MARCHF3: variants seen among roughly 807,000 people sequenced by gnomAD.
MARCHF3 encodes the protein membrane associated ring-CH-type finger 3, also known as E3 ubiquitin-protein ligase MARCHF3.
In MARCHF3, 13 loss-of-function variants were observed where a neutral mutation model predicts 24.2. The ratio of observed to expected loss-of-function variants is 0.54; its 90% CI spans 0.35 to 0.85. The LOEUF is 0.85. Among genes scored for constraint, MARCHF3 ranks in the 40% least tolerant of loss-of-function variants. MARCHF3 has a pLI of 0.01. For synonymous variants in MARCHF3, 144 were observed against 137.3 expected, an observed-to-expected ratio of 1.05 and a Z score of -0.34; for missense variants, 276 against 325.0, an observed-to-expected ratio of 0.85 and a Z score of 1.16.
chr5:126,997,359 G>A (rs948644128), intron 1 of MARCHF3, among the ~76,000 whole-genome samples: 1 of 152,032 alleles, frequency 6.6e-6, no homozygotes, highest in Non-Finnish European at 1.5e-5. Context: ...GGTTTGGATG[G>A]GTGAAGCAGA....
intron 3 of MARCHF3, among the ~76,000 whole-genome samples, chr5:126,900,407 C>G (rs924542934): frequency 6.6e-5 from 10 of 151,982 alleles, no homozygotes; most frequent in African/African-American, 2.4e-4. Flanking sequence ...GCACCCATGA[C>G]TGAGATTTGT....
At chr5:126,976,740 A>G (rs1433852069) in intron 1 of MARCHF3, among the ~76,000 whole-genome samples, 1 of 152,144 alleles carries the variant, frequency 6.6e-6, no homozygotes, top group African/African-American at 2.4e-5. Flanking sequence ...AGTTGCACAC[A>G]TGGCACCTGG....
intron 1 of MARCHF3, among the ~76,000 whole-genome samples, chr5:126,980,345 T>C (rs1751353434): frequency 6.6e-6 from 1 of 151,904 alleles, no homozygotes; most frequent in Non-Finnish European, 1.5e-5. Flanking sequence ...ATGTAGAATC[T>C]CTTGAGTTTG....
chr5:126,909,675 C>G lies in MARCHF3; in HGVS notation c.393+5255G>C, dbSNP rs1306838240. On this transcript the variant is annotated intron_variant, in intron 3 of 4. Coordinates refer to ENST00000308660, the MANE Select transcript of MARCHF3 (RefSeq NM_178450.5). ...ATGCCTCACCCTGCTTTGGCTCGCA[C>G]ACGGTGCCCGCACCCACTGACCTGG... 2.6e-5 allele frequency among the ~76,000 whole-genome samples: 4 copies of G among 152,338 alleles called. No homozygotes were observed. In the East Asian group the frequency reaches 7.7e-4, roughly 29 times the overall value.
At chr5:126,916,845 C>A (rs1431653074) in intron 2 of MARCHF3, among the ~76,000 whole-genome samples, 1 of 152,198 alleles carries the variant, frequency 6.6e-6, no homozygotes, top group Non-Finnish European at 1.5e-5. Context: ...TCTCAGTTCG[C>A]AGAGGACCGA....
chr5:127,007,807 T>C (rs571618708), intron 1 of MARCHF3, among the ~76,000 whole-genome samples: 74 of 152,320 alleles, frequency 4.9e-4, no homozygotes, highest in South Asian at 1.2e-3. Flanking sequence ...TTTAAGCTAC[T>C]TGACCTTTTT....
At chr5:126,889,158 G>C (rs1170539582) in intron 3 of MARCHF3, among the ~76,000 whole-genome samples, 2 of 152,072 alleles carry the variant, frequency 1.3e-5, no homozygotes, top group African/African-American at 2.4e-5. Context: ...AAGGTTACTG[G>C]TGTCTAATGA....
chr5:127,006,377 C>T (rs1290280328), intron 1 of MARCHF3, among the ~76,000 whole-genome samples: 1 of 151,940 alleles, frequency 6.6e-6, no homozygotes, highest in South Asian at 2.1e-4. Context: ...GTTCTAAGTT[C>T]AATTTATTTT....
intron 1 of MARCHF3, among the ~76,000 whole-genome samples, chr5:126,987,154 G>A (rs1254374447): frequency 1.3e-5 from 2 of 152,224 alleles, no homozygotes; most frequent in African/African-American, 2.4e-5. Context: ...CTTTCTTGGA[G>A]AAGAAGGAAT....
At chr5:126,939,898 C>T (rs10900789) in intron 1 of MARCHF3, among the ~76,000 whole-genome samples, 86,377 of 151,876 alleles carry the variant, frequency 0.57, 25,461 homozygotes, top group East Asian at 0.79. Flanking sequence ...AACAGCACTG[C>T]AACTCGTGCA....
chr5:126,975,101 C>T (rs530167870), intron 1 of MARCHF3, among the ~76,000 whole-genome samples: 11 of 152,200 alleles, frequency 7.2e-5, no homozygotes, highest in African/African-American at 2.6e-4. Flanking sequence ...GGACTATAGG[C>T]GCATGCCACC....
chr5:127,005,869 A>T (rs754433723), intron 1 of MARCHF3, among the ~76,000 whole-genome samples: 15 of 152,258 alleles, frequency 9.9e-5, no homozygotes, highest in Non-Finnish European at 1.6e-4. Flanking sequence ...AAACATCAAC[A>T]TTACAAAAGC....
intron 1 of MARCHF3, among the ~76,000 whole-genome samples, chr5:126,961,077 A>C (rs1241582425): frequency 6.6e-6 from 1 of 152,164 alleles, no homozygotes; most frequent in Non-Finnish European, 1.5e-5. Flanking sequence ...ACAGATAATA[A>C]GATGAGGTGT....
intron 4 of MARCHF3, among the ~76,000 whole-genome samples, chr5:126,872,966 G>A (rs933463605): frequency 2.0e-5 from 3 of 152,048 alleles, no homozygotes; most frequent in Non-Finnish European, 4.4e-5. Context: ...GGCCAACAGC[G>A]GGAAAGAGGT....
rs1220517300 is a variant in MARCHF3, at chr5:126,915,071, G to T, written c.252C>A (p.Leu84=). The T allele has an allele frequency of 6.2e-7, 1 of 1,614,204 alleles. No individual in the cohort carries two copies. The highest frequency in any genetic ancestry group is 2.2e-5 in the East Asian group (1 of 44,886). Residue 84 remains leucine, a synonymous_variant, in exon 3 of 5, where the codon CTC becomes CTA. Coordinates refer to ENST00000308660, the MANE Select transcript of MARCHF3 (RefSeq NM_178450.5). Reference sequence around the variant, plus strand: ...AGGTCCCTGTACATTCACATGGAGAGAGCAAGTCCTCTTGGCTGCTGCCCT... The same window carrying T: ...AGGTCCCTGTACATTCACATGGAGATAGCAAGTCCTCTTGGCTGCTGCCCT... ...CHEGSSQEDL[L]SPCECTGTLG...
intron 1 of MARCHF3, among the ~76,000 whole-genome samples, chr5:126,992,703 A>G (rs1352243445): frequency 6.6e-6 from 1 of 151,880 alleles, no homozygotes; most frequent in Non-Finnish European, 1.5e-5. Context: ...TGACGATTAC[A>G]AAGGGACATC....
At chr5:127,003,772 G>A (rs1752216806) in intron 1 of MARCHF3, among the ~76,000 whole-genome samples, 1 of 152,188 alleles carries the variant, frequency 6.6e-6, no homozygotes, top group African/African-American at 2.4e-5. Flanking sequence ...AGTGGATAGT[G>A]AATTATGTGT....
intron 1 of MARCHF3, among the ~76,000 whole-genome samples, chr5:126,944,098 C>T (rs1382073245): frequency 2.0e-5 from 3 of 152,098 alleles, no homozygotes; most frequent in African/African-American, 7.2e-5. Context: ...GCGTGAGCCA[C>T]CGCGCCCAGC....
At chr5:127,012,521 A>G (rs1344469661) in intron 1 of MARCHF3, among the ~76,000 whole-genome samples, 1 of 152,212 alleles carries the variant, frequency 6.6e-6, no homozygotes, top group African/African-American at 2.4e-5. Context: ...GTTTGAAATC[A>G]TTAGAGAAGT....
Sources: allele counts gnomAD v4.1 joint callset (sites outside exome capture counted in the v4.1 genomes callset), GRCh38; gene constraint gnomAD v4.1.1; transcripts MANE v1.5; gene names NCBI Gene and HGNC (gene_info 2026-07-23, HGNC 2026-07-21).